The following AMOT variants were observed in gnomAD, a reference collection of about 807,000 sequenced individuals.
The protein encoded by AMOT is angiomotin.
Under a neutral mutation model 67.0 loss-of-function variants are expected in AMOT, and 11 were observed. The ratio of observed to expected loss-of-function variants is 0.16; its 90% CI spans 0.10 to 0.27. The LOEUF (loss-of-function observed/expected upper bound fraction) is 0.27, where lower values mean the gene tolerates loss of function less well. Ranked by LOEUF, AMOT falls within the 10% of genes least tolerant of loss-of-function variation. The probability of loss-of-function intolerance (pLI) is 1.00; values close to 1 mark genes in which losing one functional copy is unlikely to be tolerated. For missense variants in AMOT, 753 were observed against 852.0 expected, an observed-to-expected ratio of 0.88 and a Z score of 1.45; for synonymous variants, 326 against 321.4, an observed-to-expected ratio of 1.01 and a Z score of -0.15.
At chrX:112,839,063 G>A (rs1232067415) in intron 1 of AMOT, among the ~76,000 whole-genome samples, 3 of 112,041 alleles carry the variant, frequency 2.7e-5, no homozygotes, top group Admixed American at 9.4e-5. Context: ...TAAAATTGTC[G>A]CCCTTCTCTA....
intron 10 of AMOT, among the ~76,000 whole-genome samples, chrX:112,788,012 G>T (rs1056134642): frequency 3.6e-5 from 4 of 111,324 alleles, no homozygotes; most frequent in Non-Finnish European, 7.5e-5. Context: ...TTTTGAGGGC[G>T]GGCGTGGTGG....
intron 10 of AMOT, among the ~76,000 whole-genome samples, chrX:112,786,966 T>C (rs1035175023): frequency 3.6e-5 from 4 of 112,018 alleles, no homozygotes; most frequent in Non-Finnish European, 7.5e-5. Flanking sequence ...AACATACAGC[T>C]GACCAATCTC....
At chrX:112,827,531 C>T (rs752431096) in intron 2 of AMOT, among the ~76,000 whole-genome samples, 2 of 112,000 alleles carry the variant, frequency 1.8e-5, no homozygotes, top group East Asian at 5.6e-4. Flanking sequence ...CCTTGTTTGT[C>T]CTGGGCACAC....
At chrX:112,800,534 C>T (rs1034471755) in intron 8 of AMOT, among the ~76,000 whole-genome samples, 1 of 112,128 alleles carries the variant, frequency 8.9e-6, no homozygotes, top group South Asian at 3.7e-4. Flanking sequence ...CAATGAAATC[C>T]TATTGCTGTT....
intron 1 of AMOT, among the ~76,000 whole-genome samples, chrX:112,835,968 G>C (rs909605337): frequency 8.9e-6 from 1 of 112,006 alleles, no homozygotes; most frequent in Non-Finnish European, 1.9e-5. Context: ...TGACTACATG[G>C]TGAAGACCTC....
intron 8 of AMOT, among the ~76,000 whole-genome samples, chrX:112,797,260 T>C (rs1006636445): frequency 1.2e-4 from 13 of 111,685 alleles, no homozygotes; most frequent in African/African-American, 3.9e-4. Context: ...TCTACTACTA[T>C]GTCTTAATTC....
chrX:112,828,479 A>G (rs1454556281), intron 2 of AMOT, among the ~76,000 whole-genome samples: 1 of 87,137 alleles, frequency 1.1e-5, no homozygotes, highest in Non-Finnish European at 2.2e-5. Flanking sequence ...AAAGTAAGCT[A>G]TTACTATAAT....
chrX:112,833,813 G>C (rs994087799), intron 1 of AMOT, among the ~76,000 whole-genome samples: 2 of 111,316 alleles, frequency 1.8e-5, no homozygotes, highest in Non-Finnish European at 3.8e-5. Flanking sequence ...AGAGGAATTA[G>C]GTTTCTTCAA....
chrX:112,795,708 C>G (rs1933789631), intron 8 of AMOT, among the ~76,000 whole-genome samples: 1 of 110,951 alleles, frequency 9.0e-6, no homozygotes, highest in African/African-American at 3.3e-5. Flanking sequence ...CTTGAGGGGC[C>G]ACTATGGTGG....
chrX:112,778,817 A>G (rs1235230160), intron 13 of AMOT, among the ~76,000 whole-genome samples, 153 bp from the exon 14 acceptor site: 6 of 110,532 alleles, frequency 5.4e-5, no homozygotes, highest in African/African-American at 1.6e-4. Flanking sequence ...AATGGCCTCT[A>G]CTCATGCCTG....
intron 5 of AMOT, among the ~76,000 whole-genome samples, 184 bp downstream of exon 5, chrX:112,815,174 C>T (rs1360245428): frequency 9.0e-6 from 1 of 111,708 alleles, no homozygotes; most frequent in Non-Finnish European, 1.9e-5. Flanking sequence ...CGTTACTTCT[C>T]CTAGGTAGAC....
At chrX:112,789,827 C>T (rs1042841460) in intron 10 of AMOT, among the ~76,000 whole-genome samples, 4 of 109,672 alleles carry the variant, frequency 3.6e-5, no homozygotes, top group Non-Finnish European at 5.7e-5. Flanking sequence ...CATCACCTGA[C>T]TTTAATTCAG....
chrX:112,804,196 A>C (rs1934098791), intron 8 of AMOT, among the ~76,000 whole-genome samples: 1 of 111,711 alleles, frequency 9.0e-6, no homozygotes, highest in Non-Finnish European at 1.9e-5. Context: ...GGAAGGCTTC[A>C]TCTCTGCACA....
In AMOT at chrX:112,778,451, T is replaced by A; in HGVS notation, c.*116A>T. On this transcript the variant is annotated 3_prime_UTR_variant, in exon 14 of 14. Transcript: ENST00000371959. ...ACATTGTTCCAATAAAAAGTCCTGT[T>A]AAAAAACATCCCCTCCCCACAACCC... 7.7e-6 allele frequency: 5 copies of A among 646,677 alleles called. No homozygotes were observed. The South Asian group carries it at 1.6e-4, about 21-fold the overall frequency. The allele number at this position is 646,677 out of a possible 1,213,427, so 53.3% of individuals were successfully genotyped here.
chrX:112,803,406 G>A (rs1272415527), intron 8 of AMOT, among the ~76,000 whole-genome samples: 1 of 112,260 alleles, frequency 8.9e-6, no homozygotes, highest in Non-Finnish European at 1.9e-5. Context: ...AAAAATGTGA[G>A]GGAAGGGAAT....
intron 10 of AMOT, among the ~76,000 whole-genome samples, chrX:112,788,693 T>C (rs1933463153): frequency 8.9e-6 from 1 of 111,898 alleles, no homozygotes; most frequent in Non-Finnish European, 1.9e-5. Context: ...TGGATTGGAT[T>C]AGTAGCATGC....
Position 112,777,848 on chromosome X carries a change from A to G in AMOT, c.*719T>C, listed in dbSNP as rs1932976720. 1 of 112,290 alleles carries G rather than the reference A, an allele frequency of 8.9e-6. No individual in the cohort carries two copies. Among genetic ancestry groups the G allele is most frequent in the African/African-American group, 3.3e-5 (1 of 30,755 alleles). The allele number at this position is 112,290 out of a possible 1,213,427, so 9.3% of individuals were successfully genotyped here. On this transcript the variant is annotated 3_prime_UTR_variant, in exon 14 of 14. Transcript: ENST00000371959. ...TGTACTCTCCCAGCATCTGAAAGCA[A>G]TATATTAATTATCCAAATGCATAAA...
chrX:112,798,181 A>G (rs1933900155), intron 8 of AMOT, among the ~76,000 whole-genome samples: 1 of 112,058 alleles, frequency 8.9e-6, no homozygotes, highest in Non-Finnish European at 1.9e-5. Flanking sequence ...CAGGTCTACT[A>G]TGCAAATACT....
chrX:112,780,838 G>A, intron 12 of AMOT, 48 bp downstream of exon 12: 1 of 1,141,634 alleles, frequency 8.8e-7, no homozygotes, highest in Non-Finnish European at 1.2e-6. Flanking sequence ...TTATCTCAGG[G>A]CTCTCTTTGA....
Sources: gnomAD v4.1 joint callset for allele counts (sites outside exome capture counted in the v4.1 genomes callset) on GRCh38, gnomAD v4.1.1 for gene constraint, MANE v1.5 for transcripts, NCBI Gene and HGNC (gene_info 2026-07-23, HGNC 2026-07-21) for gene names.